The following NAP1L4 variants were observed in gnomAD, a reference collection of about 807,000 sequenced individuals.
NAP1L4 encodes nucleosome assembly protein 1 like 4.
Under a neutral mutation model 58.2 loss-of-function variants are expected in NAP1L4, and 15 were observed. The ratio of observed to expected loss-of-function variants is 0.26; its 90% CI spans 0.17 to 0.40. The LOEUF (loss-of-function observed/expected upper bound fraction) is 0.40. NAP1L4 is among the 10% of genes least tolerant of loss of function. The pLI, the probability that NAP1L4 is intolerant of heterozygous loss-of-function variation, is 1.00. For synonymous variants in NAP1L4, 171 were observed against 155.6 expected, an observed-to-expected ratio of 1.10 and a Z score of -0.74; for missense variants, 384 against 451.1, an observed-to-expected ratio of 0.85 and a Z score of 1.35.
At chr11:2,956,718 G>T (rs1386362879) in intron 10 of NAP1L4, among the ~76,000 whole-genome samples, 2 of 152,164 alleles carry the variant, frequency 1.3e-5, no homozygotes, top group African/African-American at 4.8e-5. Context: ...TGCTCCCCAG[G>T]GCACTCTGGC....
intron 8 of NAP1L4, among the ~76,000 whole-genome samples, chr11:2,963,098 C>CAAAAAAA (rs55650724): frequency 8.6e-4 from 83 of 96,818 alleles, no homozygotes; most frequent in Non-Finnish European, 1.2e-3. Flanking sequence ...GACTCGGTCT[C>CAAAAAAA]AAAAAAAAAA....
Position 2,951,371 on chromosome 11 carries a change from T to C in NAP1L4, c.1066-56A>G. On this transcript the variant is annotated intron_variant, in intron 13 of 15. Coordinates refer to ENST00000380542, the MANE Select transcript of NAP1L4 (RefSeq NM_005969.4). The surrounding 1 kb of genome is among the most constrained non-coding windows in gnomAD (Gnocchi z 4.0). ...TGACAAGATTTAAACTCTTGTGGCA[T>C]TCACAATCCACAAACACAAGGAGCA... is the stretch of plus-strand genomic sequence containing the variant. The C allele has an allele frequency of 6.7e-7, 1 of 1,492,964 alleles. No individual in the cohort carries two copies. The highest frequency in any genetic ancestry group is 1.7e-5 in the Admixed American group (1 of 59,374). The allele number at this position is 1,492,964 out of a possible 1,614,324, so 92.5% of individuals were successfully genotyped here.
chr11:2,966,301 G>A (rs773158669), intron 7 of NAP1L4, among the ~76,000 whole-genome samples: 5 of 152,052 alleles, frequency 3.3e-5, no homozygotes, highest in South Asian at 2.1e-4. Context: ...TTCAAAACCC[G>A]TCCTCTAGCT....
chr11:2,954,620 G>A lies in NAP1L4; in HGVS notation c.942C>T (p.Ala314=), dbSNP rs201316707. 1.1e-4 allele frequency: 174 copies of A among 1,614,040 alleles called. 2 individuals are homozygous for A. The Admixed American group carries it at 2.7e-3, about 25-fold the overall frequency. The change falls in exon 12 of 16, where the codon GCC becomes GCT. Residue 314 remains alanine (A), a synonymous_variant. Transcript: ENST00000380542. This position sits in a 1 kb window ranked among gnomAD's most constrained non-coding sequence, Gnocchi z 4.8. ...SLDEDSEFTL[A]SDFEIGHFFR... The stretch of plus-strand genomic sequence containing the variant: ...AAAAGTGTCCAATTTCAAAATCAGA[G>A]GCTAATGTGAATTCAGAATCTTCAT...
chr11:2,988,621 G>A (rs1848784935), intron 1 of NAP1L4, among the ~76,000 whole-genome samples: 1 of 152,148 alleles, frequency 6.6e-6, no homozygotes. Context: ...GCACATAAAA[G>A]TGCACAGTCA....
In NAP1L4 at chr11:2,970,045, GCTTT is replaced by G. The variant is rs1400217357; in HGVS notation, c.403-115_403-112del. 2.6e-6 allele frequency: 3 copies of G among 1,168,244 alleles called. No homozygotes were observed. The African/African-American group carries it at 4.7e-5, about 18-fold the overall frequency. The allele number at this position is 1,168,244 out of a possible 1,614,324, so 72.4% of individuals were successfully genotyped here. ...TCTACTATCTCCCATCAAACACCTT[GCTTT>G]CTAAGTCTGCACCTCCAAACCACTC... On this transcript the variant is annotated intron_variant, in intron 6 of 15. Coordinates refer to ENST00000380542, the MANE Select transcript of NAP1L4 (RefSeq NM_005969.4).
At position 2,951,126 on chromosome 11, in the gene NAP1L4, C is replaced by T; in HGVS notation, c.1122+133G>A. 2.8e-6 allele frequency: 2 copies of T among 725,460 alleles called. No homozygotes were observed. The highest frequency in any genetic ancestry group is 2.3e-5 in the Admixed American group (1 of 42,936). 44.9% of individuals were successfully genotyped at this position (725,460 alleles called of 1,614,324 possible). On this transcript the variant is annotated intron_variant, in intron 14 of 15. Transcript: ENST00000380542. The surrounding 1 kb of genome is among the most constrained non-coding windows in gnomAD (Gnocchi z 4.0). ...TCTGAATAATCATTCCACTATTTTT[C>T]TGACACATTTTAAACTTTCTAATTA...
chr11:2,967,728 A>G (rs572459074), intron 7 of NAP1L4, among the ~76,000 whole-genome samples: 58 of 152,344 alleles, frequency 3.8e-4, no homozygotes, highest in African/African-American at 1.4e-3. Flanking sequence ...TGCATATTAA[A>G]TGAGTACTCT....
chr11:2,965,097 TACCA>T (rs1281663061), intron 7 of NAP1L4, among the ~76,000 whole-genome samples: 2 of 152,226 alleles, frequency 1.3e-5, no homozygotes, highest in Non-Finnish European at 2.9e-5. Context: ...TCAGAAATGC[TACCA>T]ACCAAGACTG....
intron 1 of NAP1L4, among the ~76,000 whole-genome samples, chr11:2,983,227 G>A (rs1184703967): frequency 6.6e-6 from 1 of 152,106 alleles, no homozygotes; most frequent in Non-Finnish European, 1.5e-5. Context: ...AATATCTGTT[G>A]AAAGCATAAA....
chr11:2,951,458 G>C lies in NAP1L4; in HGVS notation c.1066-143C>G. The stretch of plus-strand genomic sequence containing the variant: ...CACAAGTGACTCATCACTTCCTTTG[G>C]ACACTTAGAATTATTTCTAGGTATC... On this transcript the variant is annotated intron_variant, in intron 13 of 15. Coordinates refer to ENST00000380542, the MANE Select transcript of NAP1L4 (RefSeq NM_005969.4). This position sits in a 1 kb window ranked among gnomAD's most constrained non-coding sequence, Gnocchi z 4.0. 1 of 743,186 alleles carries C rather than the reference G, an allele frequency of 1.3e-6. No individual in the cohort carries two copies. The highest frequency in any genetic ancestry group is 1.7e-5 in the South Asian group (1 of 59,588). 46.0% of individuals were successfully genotyped at this position (743,186 alleles called of 1,614,324 possible).
intron 7 of NAP1L4, 29 bp from the exon 8 acceptor site, chr11:2,964,780 C>T (rs1847159650): frequency 6.4e-7 from 1 of 1,559,610 alleles, no homozygotes. Context: ...AAAATTCCAA[C>T]AGGCTTTTAA....
At position 2,955,508 on chromosome 11, in the gene NAP1L4, C is replaced by T. The variant is rs561412017; in HGVS notation, c.915+236G>A. 6.0e-4 allele frequency among the ~76,000 whole-genome samples: 92 copies of T among 152,116 alleles called. No homozygotes were observed. Among genetic ancestry groups the T allele is most frequent in the African/African-American group, 2.2e-3 (90 of 41,518 alleles). ...GGCGTGAACCACCATGTTCGGCTGG[C>T]TAATTTATTTGGTTTTAATTTTTTG... On this transcript the variant is annotated intron_variant, in intron 11 of 15. Coordinates refer to ENST00000380542, the MANE Select transcript of NAP1L4 (RefSeq NM_005969.4). The surrounding 1 kb of genome is among the most constrained non-coding windows in gnomAD (Gnocchi z 4.2).
At chr11:2,975,152 TAA>T (rs376072968) in intron 4 of NAP1L4, among the ~76,000 whole-genome samples, 19 of 142,538 alleles carry the variant, frequency 1.3e-4, no homozygotes, top group African/African-American at 3.9e-4. Context: ...CTCATCCCTT[TAA>T]AAAAAAAAAA....
chr11:2,967,471 C>T (rs775412407), intron 7 of NAP1L4, among the ~76,000 whole-genome samples: 3 of 151,950 alleles, frequency 2.0e-5, no homozygotes, highest in African/African-American at 4.8e-5. Flanking sequence ...ATTAGCCAGG[C>T]GTGGTGGCGG....
chr11:2,951,137 T>G lies in NAP1L4; in HGVS notation c.1122+122A>C. 1.3e-6 allele frequency: 1 copy of G among 782,346 alleles called. No individual in the cohort carries two copies. The highest frequency in any genetic ancestry group is 2.2e-6 in the Non-Finnish European group (1 of 461,720). The allele number at this position is 782,346 out of a possible 1,614,324, so 48.5% of individuals were successfully genotyped here. A position where few individuals can be genotyped will look rare whatever the true frequency, so the allele number is the denominator to read the frequency against. On this transcript the variant is annotated intron_variant, in intron 14 of 15. Coordinates refer to ENST00000380542, the MANE Select transcript of NAP1L4 (RefSeq NM_005969.4). This position sits in a 1 kb window ranked among gnomAD's most constrained non-coding sequence, Gnocchi z 4.0. ...ATTCCACTATTTTTCTGACACATTT[T>G]AAACTTTCTAATTAGGGAATAATGA...
At chr11:2,991,439 A>ATTT in intron 1 of NAP1L4, 1 of 169,682 alleles carries the variant, frequency 5.9e-6, no homozygotes, top group Admixed American at 6.0e-5. Flanking sequence ...AACATGTACA[A>ATTT]TTTTTTTTTT....
At chr11:2,984,853 A>T (rs1193027779) in intron 1 of NAP1L4, among the ~76,000 whole-genome samples, 1 of 151,446 alleles carries the variant, frequency 6.6e-6, no homozygotes, top group Non-Finnish European at 1.5e-5. Flanking sequence ...GACTACATCT[A>T]TTCCTTGATA....
chr11:2,980,629 C>A (rs1848246725), intron 1 of NAP1L4, among the ~76,000 whole-genome samples: 1 of 152,174 alleles, frequency 6.6e-6, no homozygotes, highest in African/African-American at 2.4e-5. Context: ...GAGGGCCTCG[C>A]TAAACGGTTG....
Sources: gnomAD v4.1 joint callset for allele counts (sites outside exome capture counted in the v4.1 genomes callset) on GRCh38, gnomAD v4.1.1 for gene constraint, Gnocchi (gnomAD v3.1) non-coding constraint, MANE v1.5 for transcripts, NCBI Gene and HGNC (gene_info 2026-07-23, HGNC 2026-07-21) for gene names.